ZNF407: variants seen among roughly 807,000 people sequenced by gnomAD.
ZNF407 encodes zinc finger protein 407.
Under a neutral mutation model 131.2 loss-of-function variants are expected in ZNF407, and 17 were observed. That is an observed-to-expected ratio of 0.13 (90% CI 0.09 to 0.19). The LOEUF is 0.19. ZNF407 is among the 10% of genes least tolerant of loss of function. ZNF407 has a pLI of 1.00. For synonymous variants in ZNF407, 1,156 were observed against 1,062.0 expected, an observed-to-expected ratio of 1.09 and a Z score of -1.72; for missense variants, 2,681 against 2,830.6, an observed-to-expected ratio of 0.95 and a Z score of 1.20.
At chr18:74,799,152 A>C (rs764489041) in intron 4 of ZNF407, among the ~76,000 whole-genome samples, 1 of 152,154 alleles carries the variant, frequency 6.6e-6, no homozygotes, top group Non-Finnish European at 1.5e-5. Flanking sequence ...TAAATTGTTT[A>C]AACTGTTCAA....
chr18:74,644,390 C>T (rs1276382248), intron 3 of ZNF407, among the ~76,000 whole-genome samples: 1 of 151,518 alleles, frequency 6.6e-6, no homozygotes, highest in East Asian at 1.9e-4. Flanking sequence ...ATAGTTAATG[C>T]TTTTATTTAA....
chr18:74,628,226 A>T (rs1983890828), intron 1 of ZNF407, among the ~76,000 whole-genome samples: 1 of 152,154 alleles, frequency 6.6e-6, no homozygotes, highest in South Asian at 2.1e-4. Flanking sequence ...ATACTTTTAT[A>T]TTATACATAA....
At position 74,912,446 on chromosome 18, in the gene ZNF407, G is replaced by A. The variant is rs912727480; in HGVS notation, c.5250-8068G>A. Among the ~76,000 whole-genome samples, 5 of 152,122 alleles carry A rather than the reference G, an allele frequency of 3.3e-5. No homozygotes were observed. In the East Asian group the frequency reaches 9.6e-4, roughly 29 times the overall value. The stretch of plus-strand genomic sequence containing the variant: ...CCTGGTTCATTGTGATGGAGTGGCA[G>A]GTGAATACACAGACAAGTATAATAG... On this transcript the variant is annotated intron_variant, in intron 7 of 8. Transcript: ENST00000299687.
At chr18:75,004,188 G>A (rs1972880198) in intron 8 of ZNF407, among the ~76,000 whole-genome samples, 1 of 152,140 alleles carries the variant, frequency 6.6e-6, no homozygotes, top group African/African-American at 2.4e-5. Context: ...GGTGCACGTC[G>A]TAGCACCGGT....
chr18:74,729,090 G>T (rs1220000013), intron 3 of ZNF407, among the ~76,000 whole-genome samples: 2 of 152,022 alleles, frequency 1.3e-5, no homozygotes. Flanking sequence ...CCAAATTACT[G>T]GTTCATTACT....
chr18:74,902,434 C>A (rs1323924660), intron 7 of ZNF407, among the ~76,000 whole-genome samples: 1 of 152,170 alleles, frequency 6.6e-6, no homozygotes, highest in Admixed American at 6.5e-5. Flanking sequence ...GGGAAAATGT[C>A]TTCCGGGAGT....
intron 4 of ZNF407, among the ~76,000 whole-genome samples, chr18:74,841,113 G>A (rs1356236045): frequency 1.3e-5 from 2 of 152,188 alleles, no homozygotes; most frequent in Non-Finnish European, 2.9e-5. Context: ...CCCCTCTTCA[G>A]TGCCCTTTAC....
intron 4 of ZNF407, among the ~76,000 whole-genome samples, chr18:74,808,459 G>A (rs1240530522): frequency 1.3e-5 from 2 of 152,166 alleles, no homozygotes. Flanking sequence ...AGCATAAAAT[G>A]TATAATGGTA....
rs186245420 is a variant in ZNF407 at position 74,773,778 on chromosome 18, T to C, written c.4803-7650T>C. 1.9e-3 allele frequency among the ~76,000 whole-genome samples: 287 copies of C among 152,346 alleles called. 2 individuals carry two copies. Among genetic ancestry groups the C allele is most frequent in the African/African-American group, 5.8e-3 (241 of 41,592 alleles). ...TTACAGTTGAAATCCTCTGTGTATA[T>C]TTCCTTCTGTGCCCACAATGTATGT... On this transcript the variant is annotated intron_variant, in intron 3 of 8. Coordinates refer to ENST00000299687, the MANE Select transcript of ZNF407 (RefSeq NM_017757.3).
intron 4 of ZNF407, among the ~76,000 whole-genome samples, chr18:74,802,955 T>C (rs1381480334): frequency 6.6e-6 from 1 of 152,088 alleles, no homozygotes; most frequent in South Asian, 2.1e-4. Context: ...ACTTTGCCAG[T>C]GTGTAGGAAT....
intron 8 of ZNF407, among the ~76,000 whole-genome samples, chr18:74,921,410 C>T (rs1003225251): frequency 1.3e-5 from 2 of 152,128 alleles, no homozygotes; most frequent in African/African-American, 4.8e-5. Context: ...ATTATGGGTG[C>T]GAGGACCTCT....
intron 3 of ZNF407, among the ~76,000 whole-genome samples, chr18:74,701,577 C>T (rs935837648): frequency 1.2e-4 from 18 of 152,066 alleles, no homozygotes; most frequent in Admixed American, 1.3e-4. Flanking sequence ...TGGTAATCAC[C>T]GAGGCCTCAC....
rs919088311 is a variant in ZNF407, at chr18:74,727,339, G to C, written c.4803-54089G>C. Among the ~76,000 whole-genome samples the C allele has an allele frequency of 4.3e-4, 66 of 152,136 alleles. 1 individual carries two copies. The highest frequency in any genetic ancestry group is 1.4e-3 in the African/African-American group (60 of 41,412). ...AAGAGAGTGAAGGAGTAGGAAGAGA[G>C]TGAAGAGAGTTGAGCCCTCTTCCAC... On this transcript the variant is annotated intron_variant, in intron 3 of 8. Coordinates refer to ENST00000299687, the MANE Select transcript of ZNF407 (RefSeq NM_017757.3).
intron 3 of ZNF407, among the ~76,000 whole-genome samples, chr18:74,680,924 T>C (rs1966968818): frequency 6.6e-6 from 1 of 152,240 alleles, no homozygotes; most frequent in Non-Finnish European, 1.5e-5. Context: ...ATAAACTGTA[T>C]AAAATTCAAA....
chr18:74,725,904 C>A (rs903449544), intron 3 of ZNF407, among the ~76,000 whole-genome samples: 2 of 152,104 alleles, frequency 1.3e-5, no homozygotes, highest in Non-Finnish European at 1.5e-5. Context: ...ATTGGCCTAT[C>A]GACATCCTTA....
At chr18:74,614,204 T>G (rs749909574) in intron 1 of ZNF407, among the ~76,000 whole-genome samples, 1 of 152,222 alleles carries the variant, frequency 6.6e-6, no homozygotes. Context: ...GAAAGAAAAG[T>G]AAGTAGAAAT....
rs191069601 is a variant in ZNF407 at position 74,823,447 on chromosome 18, G to A, written c.4877+41945G>A. Among the ~76,000 whole-genome samples the A allele has an allele frequency of 2.5e-3, 384 of 152,266 alleles. 3 individuals carry two copies. The highest frequency in any genetic ancestry group is 7.2e-3 in the African/African-American group (297 of 41,532). Reference sequence around the variant, plus strand: ...GGATGCAGAGTCAAGACCCATTGGTGTGCTGTATTCAGGAGACCTATCTCA... The same window carrying A: ...GGATGCAGAGTCAAGACCCATTGGTATGCTGTATTCAGGAGACCTATCTCA... On this transcript the variant is annotated intron_variant, in intron 4 of 8. Transcript: ENST00000299687.
rs374638323 is a variant in ZNF407 at position 74,634,912 on chromosome 18, A to G, written c.3893A>G (p.Gln1298Arg). The G allele has an allele frequency of 6.2e-7, 1 of 1,613,772 alleles. No homozygotes were observed. Among genetic ancestry groups the G allele is most frequent in the Non-Finnish European group, 8.5e-7 (1 of 1,179,822 alleles). Residue 1298 changes from glutamine (Q) to arginine (R), a missense_variant, in exon 2 of 9, where the codon CAA becomes CGA. Physicochemically the swap from Gln to Arg is conservative, Grantham distance 43 (BLOSUM62 1). Coordinates refer to ENST00000299687, the MANE Select transcript of ZNF407 (RefSeq NM_017757.3). The stretch of plus-strand genomic sequence containing the variant: ...GGTTTGGAAGACTTGAAAGGTGTCC[A>G]AGAAGATCCCGTTCTGGGGAATAAG... The part of the protein sequence containing the change: ...GHGLEDLKGV[Q>R]EDPVLGNKEI...
At chr18:74,659,106 A>T (rs1408238625) in intron 3 of ZNF407, among the ~76,000 whole-genome samples, 2 of 152,164 alleles carry the variant, frequency 1.3e-5, no homozygotes, top group Admixed American at 1.3e-4. Flanking sequence ...AACTACATAG[A>T]TAACTTAATA....
Sources: allele counts gnomAD v4.1 joint callset (sites outside exome capture counted in the v4.1 genomes callset), GRCh38; gene constraint gnomAD v4.1.1; transcripts MANE v1.5; gene names NCBI Gene and HGNC (gene_info 2026-07-23, HGNC 2026-07-21).